Variants in TBC1D4 observed in about 807,000 individuals in gnomAD.
The protein encoded by TBC1D4 is TBC1 domain family member 4.
In TBC1D4, 121 loss-of-function variants were observed where a neutral mutation model predicts 142.5. The ratio of observed to expected loss-of-function variants is 0.85; its 90% confidence interval spans 0.73 to 0.99. The LOEUF is 0.99. TBC1D4 is among the 50% of genes least tolerant of loss of function. The pLI, the probability that TBC1D4 is intolerant of heterozygous loss-of-function variation, is 0.00. For missense variants in TBC1D4, 1,475 were observed against 1,606.6 expected (o/e 0.92, Z 1.40); for synonymous variants, 630 against 628.2 (o/e 1.00, Z -0.04).
At chr13:75,432,287 T>C (rs191062939) in intron 1 of TBC1D4, among the ~76,000 whole-genome samples, 4 of 152,230 alleles carry the variant, frequency 2.6e-5, no homozygotes, top group African/African-American at 9.6e-5. Context: ...GATAAATGTA[T>C]TAACTGCCCA....
At chr13:75,442,436 A>C (rs962107790) in intron 1 of TBC1D4, among the ~76,000 whole-genome samples, 2 of 152,230 alleles carry the variant, frequency 1.3e-5, no homozygotes, top group African/African-American at 4.8e-5. Context: ...CAAAACAGAA[A>C]ACAAATTCAA....
chr13:75,428,737 T>C (rs2138150634), intron 1 of TBC1D4, among the ~76,000 whole-genome samples: 1 of 152,342 alleles, frequency 6.6e-6, no homozygotes, highest in Non-Finnish European at 1.5e-5. Flanking sequence ...GAAGCAACAT[T>C]GCAAAAGTCT....
At chr13:75,299,823 CAAAAAAAAAA>C (rs56719877) in intron 16 of TBC1D4, among the ~76,000 whole-genome samples, 4 of 105,970 alleles carry the variant, frequency 3.8e-5, no homozygotes, top group Admixed American at 1.0e-4. Context: ...TTCTTTCCAG[CAAAAAAAAAA>C]AAAAAAAAAA....
At chr13:75,389,800 A>G (rs2138294755) in intron 1 of TBC1D4, among the ~76,000 whole-genome samples, 1 of 152,316 alleles carries the variant, frequency 6.6e-6, no homozygotes, top group South Asian at 2.1e-4. Context: ...CATCAACACG[A>G]TTGTGCTAGT....
chr13:75,351,585 A>C, intron 4 of TBC1D4, among the ~76,000 whole-genome samples: 1 of 105,220 alleles, frequency 9.5e-6, no homozygotes, highest in South Asian at 4.0e-4. Flanking sequence ...CCACCCCACA[A>C]TAGTCCCCGG....
At chr13:75,369,049 A>G (rs1458225057) in intron 1 of TBC1D4, among the ~76,000 whole-genome samples, 14 of 151,996 alleles carry the variant, frequency 9.2e-5, no homozygotes, top group Non-Finnish European at 1.8e-4. Context: ...GTCTCAAAAA[A>G]AAAAGAGAGA....
At chr13:75,301,101 T>C (rs1215857559) in intron 16 of TBC1D4, among the ~76,000 whole-genome samples, 1 of 152,180 alleles carries the variant, frequency 6.6e-6, no homozygotes, top group East Asian at 1.9e-4. Context: ...TGCCCTAATA[T>C]AAGATGACCC....
intron 1 of TBC1D4, among the ~76,000 whole-genome samples, chr13:75,467,991 ATGGATCTCCTC>A (rs1200922451): frequency 6.6e-6 from 1 of 152,148 alleles, no homozygotes; most frequent in Non-Finnish European, 1.5e-5. Flanking sequence ...CCTCACCCAG[ATGGATCTCCTC>A]TCCATTCATT....
intron 1 of TBC1D4, among the ~76,000 whole-genome samples, chr13:75,409,905 T>A (rs1593855167): frequency 6.6e-6 from 1 of 152,322 alleles, no homozygotes; most frequent in East Asian, 1.9e-4. Context: ...CTGGAGGAAA[T>A]GAATTCGAAT....
intron 15 of TBC1D4, chr13:75,302,848 G>A (rs998403482): frequency 9.5e-6 from 2 of 210,700 alleles, no homozygotes; most frequent in Admixed American, 1.1e-4. Flanking sequence ...AACTCCAAAA[G>A]TCTGGTTTCA....
intron 1 of TBC1D4, among the ~76,000 whole-genome samples, chr13:75,458,047 T>C (rs1022769492): frequency 6.6e-6 from 1 of 152,120 alleles, no homozygotes; most frequent in Non-Finnish European, 1.5e-5. Context: ...GGCTAAGTGT[T>C]AAACCAGCCC....
intron 7 of TBC1D4, among the ~76,000 whole-genome samples, chr13:75,340,726 C>T (rs1880615233): frequency 6.6e-6 from 1 of 152,058 alleles, no homozygotes; most frequent in Admixed American, 6.5e-5. Context: ...GCGGGGGGAT[C>T]ACCTGAAGTT....
At position 75,284,221 on chromosome 13, in the gene TBC1D4, G is replaced by A. The variant is rs1182802031; in HGVS notation, c.*2571C>T. On this transcript the variant is annotated 3_prime_UTR_variant, in exon 21 of 21. Transcript: ENST00000377636. Reference sequence around the variant, plus strand: ...ACAATCTTTCCACAGACTGGTGGCAGGGGATGGTTTCAGGATGATTCAATG... The same window carrying A: ...ACAATCTTTCCACAGACTGGTGGCAAGGGATGGTTTCAGGATGATTCAATG... Among the ~76,000 whole-genome samples, 1 of 152,130 alleles carries A rather than the reference G, an allele frequency of 6.6e-6. No individual in the cohort carries two copies. The highest frequency in any genetic ancestry group is 1.5e-5 in the Non-Finnish European group (1 of 68,024).
intron 1 of TBC1D4, among the ~76,000 whole-genome samples, chr13:75,435,878 CT>C (rs1226857278): frequency 6.6e-6 from 1 of 152,178 alleles, no homozygotes. Flanking sequence ...ATGACAGTAA[CT>C]GGTTATAGCC....
chr13:75,306,423 T>G lies in TBC1D4; in HGVS notation c.2642A>C (p.Glu881Ala), dbSNP rs1877193725. ...QSRKVKLDYEEVGACQKEVLI... is the reference protein window; with the variant it reads ...QSRKVKLDYEAVGACQKEVLI... ...GACCTCTTTCTGACATGCACCAACT[T>G]CTTCATAGTCTAATTTAACTTTTCT... The change falls in exon 15 of 21, where the codon GAA (glutamate) becomes GCA (alanine). Residue 881 changes from glutamate (E) to alanine (A), a missense_variant. Glu to Ala is a moderately radical substitution (Grantham distance 107, BLOSUM62 -1). Transcript: ENST00000377636. 1.2e-6 allele frequency: 2 copies of G among 1,613,328 alleles called. No homozygotes were observed. The highest frequency in any genetic ancestry group is 1.1e-5 in the South Asian group (1 of 91,072).
In TBC1D4 at chr13:75,449,273, CAT is replaced by C. The variant is rs751599054; in HGVS notation, c.498+31995_498+31996del. On this transcript the variant is annotated intron_variant, in intron 1 of 20. Transcript: ENST00000377636. Reference sequence around the variant, plus strand: ...GTGTGTATATATATGTATACACACACATATATATATTGAACCATATGTGTGTA... The same window carrying C: ...GTGTGTATATATATGTATACACACACATATATATTGAACCATATGTGTGTA... Among the ~76,000 whole-genome samples, 660 of 151,682 alleles carry C rather than the reference CAT, an allele frequency of 4.4e-3. 5 individuals carry two copies. The highest frequency in any genetic ancestry group is 0.015 in the African/African-American group (621 of 41,330).
Position 75,362,382 on chromosome 13 carries a change from C to T in TBC1D4, c.724G>A (p.Glu242Lys), listed in dbSNP as rs1882603587. 2 of 1,614,104 alleles carry T rather than the reference C, an allele frequency of 1.2e-6. No individual in the cohort carries two copies. The highest frequency in any genetic ancestry group is 1.7e-6 in the Non-Finnish European group (2 of 1,180,052). ...HEQQRLKIQG[E>K]QRGPDPGEDL... ...TCTCCTGGGTCCGGACCGCGCTGCT[C>T]CCCTTGGATCTTCAGGCGCTGCTGT... is the stretch of plus-strand genomic sequence containing the variant. The change falls in exon 2 of 21, where the codon GAG becomes AAG. Residue 242 changes from glutamate (E) to lysine (K), a missense_variant. Transcript: ENST00000377636. The surrounding 1 kb of genome is among the most constrained non-coding windows in gnomAD (Gnocchi z 4.2).
intron 11 of TBC1D4, among the ~76,000 whole-genome samples, chr13:75,320,516 T>C (rs1878661680): frequency 6.6e-6 from 1 of 152,138 alleles, no homozygotes; most frequent in Non-Finnish European, 1.5e-5. Context: ...GAAAAATTAA[T>C]TCAAAGTGAG....
At chr13:75,410,132 T>C (rs561255123) in intron 1 of TBC1D4, among the ~76,000 whole-genome samples, 1 of 152,348 alleles carries the variant, frequency 6.6e-6, no homozygotes, top group Admixed American at 6.5e-5. Context: ...AATAACGGTG[T>C]ATGCTCATGA....
Sources: gnomAD v4.1 joint callset for allele counts (sites outside exome capture counted in the v4.1 genomes callset) on GRCh38, gnomAD v4.1.1 for gene constraint, Gnocchi (gnomAD v3.1) non-coding constraint, MANE v1.5 for transcripts, NCBI Gene and HGNC (gene_info 2026-07-23, HGNC 2026-07-21) for gene names.